LOC128462377: variants seen among roughly 807,000 people sequenced by gnomAD.
At chr16:89,349,244 A>C in the LOC128462377 span, among the ~76,000 whole-genome samples, 3 of 151,808 alleles carry the variant, frequency 2.0e-5, no homozygotes, top group Non-Finnish European at 4.4e-5. Flanking sequence ...AAGACCAAAA[A>C]CAGGCCAGGC....
the LOC128462377 span, among the ~76,000 whole-genome samples, chr16:89,330,621 T>C: frequency 8.1e-6 from 1 of 122,762 alleles, no homozygotes; most frequent in Non-Finnish European, 1.6e-5. Flanking sequence ...GTGAGGGTCC[T>C]CGTGACACGG....
At chr16:89,355,247 A>G in the LOC128462377 span, among the ~76,000 whole-genome samples, 1 of 149,716 alleles carries the variant, frequency 6.7e-6, no homozygotes, top group African/African-American at 2.5e-5. Flanking sequence ...GAGGGCTCAC[A>G]CCCTGAGGCT....
chr16:89,377,543 C>G, the LOC128462377 span, among the ~76,000 whole-genome samples: 2 of 152,124 alleles, frequency 1.3e-5, no homozygotes, highest in Non-Finnish European at 2.9e-5. Flanking sequence ...CTAAGAGATA[C>G]CACACCAGAG....
the LOC128462377 span, among the ~76,000 whole-genome samples, chr16:89,395,257 G>C: frequency 1.3e-5 from 2 of 152,260 alleles, no homozygotes; most frequent in African/African-American, 4.8e-5. Context: ...CTGAGCCCCA[G>C]GGAAGGGCTG....
chr16:89,399,128 C>A, the LOC128462377 span, among the ~76,000 whole-genome samples: 1 of 152,206 alleles, frequency 6.6e-6, no homozygotes, highest in African/African-American at 2.4e-5. Context: ...GCTCCGAACA[C>A]GGAGCAGGAG....
chr16:89,376,264 A>G, the LOC128462377 span, among the ~76,000 whole-genome samples: 3 of 152,216 alleles, frequency 2.0e-5, no homozygotes, highest in East Asian at 5.8e-4. Context: ...AGGAAGGGGA[A>G]GCAGCTGGAG....
the LOC128462377 span, among the ~76,000 whole-genome samples, chr16:89,405,801 C>T: frequency 9.2e-5 from 14 of 152,128 alleles, no homozygotes; most frequent in Admixed American, 4.6e-4. Context: ...CTTCCCCCAG[C>T]GCTCCTCACA....
chr16:89,392,154 G>A, the LOC128462377 span, among the ~76,000 whole-genome samples: 1 of 152,202 alleles, frequency 6.6e-6, no homozygotes, highest in African/African-American at 2.4e-5. Flanking sequence ...TAAAAAAACC[G>A]GACACAGCGT....
chr16:89,323,251 A>T, the LOC128462377 span: 1 of 1,247,084 alleles, frequency 8.0e-7, no homozygotes, highest in South Asian at 1.2e-5. Context: ...AAAAGGAAAA[A>T]GAGCTGCATA....
At chr16:89,372,557 T>G in the LOC128462377 span, among the ~76,000 whole-genome samples, 1 of 152,178 alleles carries the variant, frequency 6.6e-6, no homozygotes, top group Non-Finnish European at 1.5e-5. Flanking sequence ...AACAAGATGA[T>G]GTTGGAGATT....
At chr16:89,332,995 T>G in the LOC128462377 span, among the ~76,000 whole-genome samples, 2 of 152,208 alleles carry the variant, frequency 1.3e-5, no homozygotes, top group Non-Finnish European at 2.9e-5. Flanking sequence ...TTTCCCATCC[T>G]GTGCACCCGG....
the LOC128462377 span, among the ~76,000 whole-genome samples, chr16:89,356,640 G>A: frequency 6.6e-6 from 1 of 151,208 alleles, no homozygotes; most frequent in Non-Finnish European, 1.5e-5. Context: ...AATTAGCCAG[G>A]CGTGGTGGTG....
chr16:89,347,654 A>G, the LOC128462377 span, among the ~76,000 whole-genome samples: 3 of 151,310 alleles, frequency 2.0e-5, no homozygotes, highest in African/African-American at 7.3e-5. Flanking sequence ...TGAAAATGTG[A>G]CTATTTTACA....
the LOC128462377 span, among the ~76,000 whole-genome samples, chr16:89,405,161 T>C: frequency 2.0e-5 from 3 of 151,556 alleles, no homozygotes; most frequent in Non-Finnish European, 4.4e-5. Context: ...GCCATTGCAC[T>C]CCAGCCTGGG....
At chr16:89,394,055 G>T in the LOC128462377 span, among the ~76,000 whole-genome samples, 1 of 152,142 alleles carries the variant, frequency 6.6e-6, no homozygotes, top group South Asian at 2.1e-4. Context: ...GCAGCTCACA[G>T]GGTGCTCCTC....
At chr16:89,417,696 G>A in the LOC128462377 span, among the ~76,000 whole-genome samples, 3 of 152,038 alleles carry the variant, frequency 2.0e-5, no homozygotes, top group African/African-American at 7.2e-5. Flanking sequence ...AGGACAGCCC[G>A]GCGAGACCAC....
chr16:89,332,698 C>T, the LOC128462377 span, among the ~76,000 whole-genome samples: 1 of 152,206 alleles, frequency 6.6e-6, no homozygotes, highest in Non-Finnish European at 1.5e-5. Flanking sequence ...GCAGGGCTCT[C>T]CTCCGGCAGG....
the LOC128462377 span, among the ~76,000 whole-genome samples, chr16:89,388,827 G>A: frequency 7.2e-5 from 11 of 152,302 alleles, no homozygotes; most frequent in African/African-American, 2.6e-4. Context: ...CACAGCCCGG[G>A]GAATGATGAA....
chr16:89,409,809 C>G, the LOC128462377 span, among the ~76,000 whole-genome samples: 1 of 149,232 alleles, frequency 6.7e-6, no homozygotes, highest in African/African-American at 2.6e-5. Context: ...TCTTTCTGCT[C>G]ACTTCTCAAT....
Sources: allele counts gnomAD v4.1 joint callset (sites outside exome capture counted in the v4.1 genomes callset), GRCh38; gene constraint gnomAD v4.1.1; transcripts MANE v1.5.